Variants in ERGIC1 observed in about 807,000 individuals in gnomAD.
ERGIC1 encodes endoplasmic reticulum-Golgi intermediate compartment protein 1.
In ERGIC1, 19 loss-of-function variants were observed where a neutral mutation model predicts 38.3. The ratio of observed to expected loss-of-function variants is 0.50; its 90% CI spans 0.35 to 0.73. The LOEUF is 0.73. Among genes scored for constraint, ERGIC1 ranks in the 30% least tolerant of loss-of-function variants. The pLI, the probability that ERGIC1 is intolerant of heterozygous loss-of-function variation, is 0.01. For synonymous variants in ERGIC1, 124 were observed against 157.6 expected, an observed-to-expected ratio of 0.79 and a Z score of 1.60; for missense variants, 294 against 389.2, an observed-to-expected ratio of 0.76 and a Z score of 2.06.
chr5:172,945,981 G>C (rs1352179040), intron 9 of ERGIC1, among the ~76,000 whole-genome samples: 4 of 152,226 alleles, frequency 2.6e-5, no homozygotes, highest in Non-Finnish European at 5.9e-5. Context: ...ACTGCACCCG[G>C]CTGGCTTTCC....
At chr5:172,914,090 T>G (rs1763277999) in intron 4 of ERGIC1, among the ~76,000 whole-genome samples, 1 of 151,514 alleles carries the variant, frequency 6.6e-6, no homozygotes, top group African/African-American at 2.4e-5. Flanking sequence ...CAAAAAAAAT[T>G]TTTTTGTATA....
At chr5:172,922,757 G>A (rs1763553720) in intron 5 of ERGIC1, among the ~76,000 whole-genome samples, 1 of 152,268 alleles carries the variant, frequency 6.6e-6, no homozygotes, top group Non-Finnish European at 1.5e-5. Flanking sequence ...ACATGGACCT[G>A]GACTCTGAGA....
At chr5:172,885,456 C>T (rs1483515679) in intron 1 of ERGIC1, among the ~76,000 whole-genome samples, 3 of 152,132 alleles carry the variant, frequency 2.0e-5, no homozygotes, top group Middle Eastern at 3.4e-3. Context: ...TTTTAAACTG[C>T]GAGGCCCAGT....
chr5:172,901,418 C>T (rs1392016079), intron 3 of ERGIC1, among the ~76,000 whole-genome samples: 1 of 152,168 alleles, frequency 6.6e-6, no homozygotes, highest in Non-Finnish European at 1.5e-5. Context: ...TCTGACTGCC[C>T]AGTCTCTGAC....
At chr5:172,932,655 C>T (rs1310207920) in intron 8 of ERGIC1, 119 bp downstream of exon 8, 1 of 1,026,258 alleles carries the variant, frequency 9.7e-7, no homozygotes, top group South Asian at 1.5e-5. Flanking sequence ...GAGGCCTTTC[C>T]TGGGGGTTAG....
intron 1 of ERGIC1, among the ~76,000 whole-genome samples, chr5:172,840,963 C>T (rs1013314522): frequency 3.3e-5 from 5 of 152,282 alleles, no homozygotes; most frequent in East Asian, 1.9e-4. Flanking sequence ...CTGAAGAGTC[C>T]GGCACTGAGC....
intron 9 of ERGIC1, among the ~76,000 whole-genome samples, chr5:172,939,076 A>G (rs768417697): frequency 3.9e-5 from 6 of 152,170 alleles, no homozygotes; most frequent in African/African-American, 7.2e-5. Flanking sequence ...AAAAAAAAGA[A>G]AAAAGAAATC....
At position 172,851,435 on chromosome 5, in the gene ERGIC1, G is replaced by A. The variant is rs182990371; in HGVS notation, c.20+17002G>A. Among the ~76,000 whole-genome samples, 474 of 152,168 alleles carry A rather than the reference G, an allele frequency of 3.1e-3. 2 individuals carry two copies. Among genetic ancestry groups the A allele is most frequent in the African/African-American group, 0.011 (453 of 41,504 alleles). ...GAGACAGGAGATTCGCTTCAACCCCGGAGGCAGAGGTTGCAGTGAGCTGAG... is the reference window on the plus strand; with the variant it reads ...GAGACAGGAGATTCGCTTCAACCCCAGAGGCAGAGGTTGCAGTGAGCTGAG... On this transcript the variant is annotated intron_variant, in intron 1 of 9. Transcript: ENST00000393784.
chr5:172,865,800 TTTTA>T (rs1182562159), intron 1 of ERGIC1, among the ~76,000 whole-genome samples: 3 of 152,240 alleles, frequency 2.0e-5, no homozygotes, highest in Non-Finnish European at 4.4e-5. Flanking sequence ...CTTCATTCTT[TTTTA>T]TTGTTATAGT....
intron 1 of ERGIC1, among the ~76,000 whole-genome samples, chr5:172,848,463 A>G (rs1027809652): frequency 1.3e-5 from 2 of 152,178 alleles, no homozygotes; most frequent in African/African-American, 2.4e-5. Flanking sequence ...TCTTCAACCT[A>G]ACTTGGGTCA....
Position 172,914,792 on chromosome 5 carries a change from A to G in ERGIC1, c.329A>G (p.Asn110Ser). 1 of 1,614,202 alleles carries G rather than the reference A, an allele frequency of 6.2e-7. No homozygotes were observed. The highest frequency in any genetic ancestry group is 2.2e-5 in the East Asian group (1 of 44,884). Reference protein sequence around the residue: ...HIDNSMKIPLNNGAGCRFEGQ... With the variant: ...HIDNSMKIPLSNGAGCRFEGQ... ...GACAACTCCATGAAGATCCCGCTGA[A>G]CAATGGGGCAGGCTGCCGCTTCGAG... Residue 110 changes from asparagine (N) to serine (S), a missense_variant, in exon 5 of 10, where the codon AAC becomes AGC. This residue lies in a region of ERGIC1 where 163 missense variants were observed against 225.8 expected (regional missense o/e 0.72). Coordinates refer to ENST00000393784, the MANE Select transcript of ERGIC1 (RefSeq NM_001031711.3).
intron 1 of ERGIC1, among the ~76,000 whole-genome samples, chr5:172,876,297 T>G (rs1173443652): frequency 6.6e-6 from 1 of 152,250 alleles, no homozygotes; most frequent in Non-Finnish European, 1.5e-5. Flanking sequence ...ATTCTCTTAG[T>G]CTTTCTGCAT....
chr5:172,933,887 A>G (rs371324599), intron 8 of ERGIC1: 1 of 151,592 alleles, frequency 6.6e-6, no homozygotes, highest in African/African-American at 2.4e-5. Flanking sequence ...ACATGAGGCA[A>G]TGTTTTCAAA....
intron 1 of ERGIC1, among the ~76,000 whole-genome samples, chr5:172,843,887 G>A (rs1761221732): frequency 6.6e-6 from 1 of 152,218 alleles, no homozygotes; most frequent in African/African-American, 2.4e-5. Context: ...TACTTTCTTT[G>A]CGGGGATTTT....
intron 5 of ERGIC1, chr5:172,918,425 G>A (rs911671089): frequency 6.6e-6 from 1 of 152,264 alleles, no homozygotes; most frequent in African/African-American, 2.4e-5. Context: ...TTTGAGGACT[G>A]AGTTCTGGCG....
At chr5:172,886,054 A>C (rs1762409611) in intron 1 of ERGIC1, among the ~76,000 whole-genome samples, 1 of 150,466 alleles carries the variant, frequency 6.6e-6, no homozygotes, top group Non-Finnish European at 1.5e-5. Context: ...TTTTCTCTCC[A>C]TTCCCTCTCC....
chr5:172,868,269 G>T (rs1320922574), intron 1 of ERGIC1, among the ~76,000 whole-genome samples: 1 of 152,182 alleles, frequency 6.6e-6, no homozygotes, highest in Admixed American at 6.5e-5. Flanking sequence ...CCAAAGTCAT[G>T]CAGCTAATGC....
At chr5:172,848,083 T>A (rs1395122497) in intron 1 of ERGIC1, among the ~76,000 whole-genome samples, 2 of 152,256 alleles carry the variant, frequency 1.3e-5, no homozygotes, top group African/African-American at 4.8e-5. Context: ...GCTTTCTCGT[T>A]GATATTCTGA....
intron 9 of ERGIC1, among the ~76,000 whole-genome samples, chr5:172,938,908 A>C (rs1182229607): frequency 6.6e-6 from 1 of 151,782 alleles, no homozygotes; most frequent in African/African-American, 2.4e-5. Context: ...CTAAAAGTAC[A>C]AAAAATTAGC....
Sources: allele counts gnomAD v4.1 joint callset (sites outside exome capture counted in the v4.1 genomes callset), GRCh38; gene constraint gnomAD v4.1.1; regional missense constraint gnomAD v4.1.1; transcripts MANE v1.5; gene names NCBI Gene and HGNC (gene_info 2026-07-23, HGNC 2026-07-21).